ZMIZ1: variants seen among roughly 807,000 people sequenced by gnomAD.
ZMIZ1 encodes zinc finger MIZ domain-containing protein 1.
In ZMIZ1, 17 loss-of-function variants were observed where a neutral mutation model predicts 113.9. The observed-to-expected ratio is 0.15, with a 90% CI of 0.10 to 0.22. ZMIZ1 has a LOEUF of 0.22. Among genes scored for constraint, ZMIZ1 ranks in the 10% least tolerant of loss-of-function variants. ZMIZ1 has a pLI of 1.00. For synonymous variants in ZMIZ1, 607 were observed against 603.1 expected (o/e 1.01, Z -0.09); for missense variants, 1,059 against 1,477.8 (o/e 0.72, Z 4.65).
At chr10:79,098,250 T>C (rs558706947) in intron 1 of ZMIZ1, among the ~76,000 whole-genome samples, 1 of 152,288 alleles carries the variant, frequency 6.6e-6, no homozygotes, top group East Asian at 1.9e-4. Context: ...TCCTGGAGTT[T>C]ATGCGGGAGT....
intron 7 of ZMIZ1, among the ~76,000 whole-genome samples, chr10:79,238,934 T>C (rs944940364): frequency 9.2e-5 from 14 of 152,216 alleles, no homozygotes; most frequent in African/African-American, 2.9e-4. Context: ...GCCAGGATCC[T>C]GCTTGGGCCC....
chr10:79,243,004 G>A (rs1849937236), intron 7 of ZMIZ1, among the ~76,000 whole-genome samples: 1 of 151,282 alleles, frequency 6.6e-6, no homozygotes, highest in African/African-American at 2.4e-5. Flanking sequence ...GGCGGGGTGC[G>A]GACGGCGAGG....
chr10:79,174,749 C>T lies in ZMIZ1; in HGVS notation c.-50+12616C>T, dbSNP rs75869676. ...TTGGGGGAGGAGTGCACAGAAAACA[C>T]GTGACACACACAAGATGCAGGCTCA... On this transcript the variant is annotated intron_variant, in intron 4 of 24. Transcript: ENST00000334512. Among the ~76,000 whole-genome samples, 79 of 152,312 alleles carry T rather than the reference C, an allele frequency of 5.2e-4. 1 individual carries two copies. Among genetic ancestry groups the T allele is most frequent in the African/African-American group, 1.9e-3 (78 of 41,558 alleles).
At chr10:79,267,699 A>G (rs1412599213) in intron 7 of ZMIZ1, among the ~76,000 whole-genome samples, 1 of 152,200 alleles carries the variant, frequency 6.6e-6, no homozygotes, top group Admixed American at 6.5e-5. Context: ...GGCAGGAGAC[A>G]GCATATTACT....
At chr10:79,231,671 C>T (rs1447948746) in intron 7 of ZMIZ1, among the ~76,000 whole-genome samples, 1 of 152,134 alleles carries the variant, frequency 6.6e-6, no homozygotes, top group Non-Finnish European at 1.5e-5. Context: ...CTCCGCCTCT[C>T]GTGTTCAAGT....
intron 4 of ZMIZ1, among the ~76,000 whole-genome samples, chr10:79,185,016 A>G (rs1847293188): frequency 6.6e-6 from 1 of 152,236 alleles, no homozygotes; most frequent in Admixed American, 6.5e-5. Flanking sequence ...GACGGGGACC[A>G]GAGCCCATAT....
chr10:79,117,672 AAG>A (rs1438780470), intron 1 of ZMIZ1, among the ~76,000 whole-genome samples: 2 of 152,170 alleles, frequency 1.3e-5, no homozygotes, highest in East Asian at 3.8e-4. Context: ...GTCACAGGGT[AAG>A]AGACCCTTCC....
intron 1 of ZMIZ1, among the ~76,000 whole-genome samples, chr10:79,091,809 G>A (rs1842989659): frequency 6.6e-6 from 1 of 152,170 alleles, no homozygotes. Flanking sequence ...CCAGAAGGAA[G>A]CCAGGGTTAG....
At chr10:79,278,952 T>C (rs1852493255) in intron 8 of ZMIZ1, among the ~76,000 whole-genome samples, 1 of 152,226 alleles carries the variant, frequency 6.6e-6, no homozygotes, top group Non-Finnish European at 1.5e-5. Context: ...AGCTGTTGGG[T>C]ACACCTCCCA....
chr10:79,190,763 G>A (rs939337452), intron 4 of ZMIZ1, among the ~76,000 whole-genome samples: 1 of 152,166 alleles, frequency 6.6e-6, no homozygotes, highest in African/African-American at 2.4e-5. Flanking sequence ...GCTACTGTGA[G>A]ACTGTGATAT....
Position 79,201,724 on chromosome 10 carries a change from G to T in ZMIZ1, c.60+32G>T, listed in dbSNP as rs775529229. On this transcript the variant is annotated intron_variant, in intron 5 of 24. Coordinates refer to ENST00000334512, the MANE Select transcript of ZMIZ1 (RefSeq NM_020338.4). ...GTGGGGCAAGGCACACTCCGAGGGC[G>T]GGGCAGATGGGGCGGGCTGCAGCAG... The T allele has an allele frequency of 6.2e-6, 10 of 1,607,288 alleles. No individual in the cohort carries two copies. The South Asian group carries it at 6.6e-5, about 11-fold the overall frequency.
intron 6 of ZMIZ1, 106 bp from the exon 7 acceptor site, chr10:79,216,063 G>A (rs1306487392): frequency 2.4e-5 from 15 of 630,540 alleles, no homozygotes; most frequent in Non-Finnish European, 3.3e-5. Flanking sequence ...CTAATGATGG[G>A]GCACTGCCTT....
intron 4 of ZMIZ1, among the ~76,000 whole-genome samples, chr10:79,173,394 G>A (rs1846687747): frequency 6.6e-6 from 1 of 152,184 alleles, no homozygotes; most frequent in Non-Finnish European, 1.5e-5. Context: ...AAGATTGGAT[G>A]TCCCTGGCCT....
intron 7 of ZMIZ1, among the ~76,000 whole-genome samples, chr10:79,219,610 T>C (rs964794232): frequency 1.3e-5 from 2 of 152,180 alleles, no homozygotes. Flanking sequence ...GCATCACTTC[T>C]TCGCTTGAAA....
intron 12 of ZMIZ1, chr10:79,295,733 G>A (rs1213729200): frequency 6.6e-6 from 1 of 152,264 alleles, no homozygotes; most frequent in East Asian, 1.9e-4. Flanking sequence ...CTGGGGCACA[G>A]CCACCAACAG....
rs529219194 is a variant in ZMIZ1, at chr10:79,201,593, C to T, written c.-40C>T. The T allele has an allele frequency of 7.5e-5, 121 of 1,609,886 alleles. 1 individual carries two copies. In the South Asian group the frequency reaches 1.1e-3, roughly 15 times the overall value. On this transcript the variant is annotated 5_prime_UTR_variant, in exon 5 of 25. It adds an upstream start codon to the 5' untranslated region. Transcript: ENST00000334512. The stretch of plus-strand genomic sequence containing the variant: ...TCCTTTCTCTTCGCAGGCTGGACAA[C>T]GTTCATGGCTCTCGGGTAGAACCTA...
intron 1 of ZMIZ1, among the ~76,000 whole-genome samples, chr10:79,106,609 T>C (rs1843568995): frequency 6.6e-6 from 1 of 152,246 alleles, no homozygotes. Context: ...TTGGCCGGTC[T>C]TTGCCCGTTG....
chr10:79,278,585 G>T (rs1030661034), intron 8 of ZMIZ1, among the ~76,000 whole-genome samples: 1 of 151,126 alleles, frequency 6.6e-6, no homozygotes, highest in Non-Finnish European at 1.5e-5. Context: ...GGGTCCTGCC[G>T]CCCTCCGCAG....
intron 23 of ZMIZ1, among the ~76,000 whole-genome samples, chr10:79,310,637 G>A (rs373108041): frequency 1.3e-5 from 2 of 152,010 alleles, no homozygotes; most frequent in African/African-American, 2.4e-5. Context: ...GGGAGCCCAG[G>A]CCCAGCTCCC....
Sources: gnomAD v4.1 joint callset for allele counts (sites outside exome capture counted in the v4.1 genomes callset) on GRCh38, gnomAD v4.1.1 for gene constraint, MANE v1.5 for transcripts, NCBI Gene and HGNC (gene_info 2026-07-23, HGNC 2026-07-21) for gene names.